The following EIF2B3 variants were observed in gnomAD, a reference collection of about 807,000 sequenced individuals.
EIF2B3 encodes the protein eukaryotic translation initiation factor 2B subunit gamma.
Under a neutral mutation model 54.1 loss-of-function variants are expected in EIF2B3, and 20 were observed. The ratio of observed to expected loss-of-function variants is 0.37; its 90% confidence interval spans 0.26 to 0.54. EIF2B3 has a LOEUF of 0.54. EIF2B3 is among the 20% of genes least tolerant of loss of function. The pLI, the probability that EIF2B3 is intolerant of heterozygous loss-of-function variation, is 0.86. For synonymous variants in EIF2B3, 153 were observed against 188.1 expected (o/e 0.81, Z 1.52); for missense variants, 448 against 547.8 (o/e 0.82, Z 1.82).
intron 3 of EIF2B3, among the ~76,000 whole-genome samples, chr1:44,946,444 CT>C (rs758880130): frequency 7.6e-4 from 106 of 140,080 alleles, no homozygotes; most frequent in South Asian, 2.9e-3. Context: ...TTCATAATAC[CT>C]TTTTTTTTTT....
chr1:44,892,717 G>A (rs1308261208), intron 6 of EIF2B3, among the ~76,000 whole-genome samples: 1 of 152,174 alleles, frequency 6.6e-6, no homozygotes, highest in Non-Finnish European at 1.5e-5. Flanking sequence ...GTTCAAAGGA[G>A]ACTACCTTGA....
In EIF2B3 at chr1:44,865,216, T is replaced by TAAAAAAAAA. The variant is rs57763807; in HGVS notation, c.1203-7418_1203-7410dup. 5.9e-3 allele frequency among the ~76,000 whole-genome samples: 827 copies of TAAAAAAAAA among 140,032 alleles called. 12 individuals are homozygous for TAAAAAAAAA. The highest frequency in any genetic ancestry group is 0.021 in the African/African-American group (779 of 37,918). The allele number at this position is 140,032 out of a possible 152,430, so 91.9% of individuals were successfully genotyped here. On this transcript the variant is annotated intron_variant, in intron 10 of 11. Coordinates refer to ENST00000360403, the MANE Select transcript of EIF2B3 (RefSeq NM_020365.5). ...TGGGCAACAGAGCGAGACTCCATCT[T>TAAAAAAAAA]AAAAAAAAAAAAAGAAATGTGTGAA... is the stretch of plus-strand genomic sequence containing the variant.
At position 44,917,755 on chromosome 1, in the gene EIF2B3, C is replaced by CTTTT. The variant is rs869139321; in HGVS notation, c.566+8869_566+8872dup. On this transcript the variant is annotated intron_variant, in intron 5 of 11. Transcript: ENST00000360403. ...TATTTATTTTGCCACCAATAACACT[C>CTTTT]TTTTTTTTTTTTTTTTTTTTTTTTT... 1.8e-4 allele frequency among the ~76,000 whole-genome samples: 8 copies of CTTTT among 44,240 alleles called. 1 individual carries two copies. The highest frequency in any genetic ancestry group is 9.6e-4 in the South Asian group (1 of 1,042). 29.0% of individuals were successfully genotyped at this position (44,240 alleles called of 152,430 possible).
intron 3 of EIF2B3, among the ~76,000 whole-genome samples, chr1:44,965,787 A>C (rs1462988848): frequency 1.3e-5 from 2 of 151,734 alleles, no homozygotes; most frequent in Non-Finnish European, 1.5e-5. Context: ...CTACAGGTGC[A>C]CACTACTATG....
At chr1:44,899,578 CAATATCACT>C (rs1656104259) in intron 5 of EIF2B3, among the ~76,000 whole-genome samples, 1 of 152,132 alleles carries the variant, frequency 6.6e-6, no homozygotes, top group Non-Finnish European at 1.5e-5. Flanking sequence ...AAGAAATGCT[CAATATCACT>C]AATCATCAGA....
intron 10 of EIF2B3, among the ~76,000 whole-genome samples, chr1:44,873,316 A>C (rs1288465366): frequency 6.6e-6 from 1 of 152,174 alleles, no homozygotes; most frequent in East Asian, 1.9e-4. Context: ...TCTGCTGAGT[A>C]ATTTGGTATT....
At chr1:44,885,443 C>T (rs1655543941) in intron 6 of EIF2B3, among the ~76,000 whole-genome samples, 1 of 152,176 alleles carries the variant, frequency 6.6e-6, no homozygotes, top group Non-Finnish European at 1.5e-5. Context: ...GTTACTGTCA[C>T]ATAATGGGAG....
intron 10 of EIF2B3, among the ~76,000 whole-genome samples, chr1:44,860,324 A>C (rs1182870791): frequency 6.6e-6 from 1 of 152,170 alleles, no homozygotes; most frequent in Non-Finnish European, 1.5e-5. Flanking sequence ...TAACAAATCT[A>C]GTAATTTCAT....
At chr1:44,969,720 G>A (rs1260995113) in intron 3 of EIF2B3, among the ~76,000 whole-genome samples, 5 of 152,140 alleles carry the variant, frequency 3.3e-5, no homozygotes, top group Non-Finnish European at 7.4e-5. Context: ...GGGCAATGTT[G>A]ATTACTTTTG....
At chr1:44,880,878 G>A (rs1028329502) in intron 7 of EIF2B3, among the ~76,000 whole-genome samples, 14 of 152,070 alleles carry the variant, frequency 9.2e-5, no homozygotes, top group East Asian at 1.9e-4. Flanking sequence ...GGAGAATGGC[G>A]TGAACCCGGG....
chr1:44,928,301 G>T (rs1472722177), intron 4 of EIF2B3, among the ~76,000 whole-genome samples: 2 of 151,816 alleles, frequency 1.3e-5, no homozygotes, highest in African/African-American at 4.8e-5. Flanking sequence ...AAAATCAGCT[G>T]CCGAGTGTGG....
Position 44,868,320 on chromosome 1 carries a change from C to A in EIF2B3, c.1202+6358G>T, listed in dbSNP as rs970497158. The stretch of plus-strand genomic sequence containing the variant: ...GGCTGAGGCAGGAGAATGGTGTGAA[C>A]CCGGGAGGCGGAGCTTGCAGTGAGC... On this transcript the variant is annotated intron_variant, in intron 10 of 11. Coordinates refer to ENST00000360403, the MANE Select transcript of EIF2B3 (RefSeq NM_020365.5). 6.1e-5 allele frequency among the ~76,000 whole-genome samples: 9 copies of A among 147,994 alleles called. 2 individuals are homozygous for A. In the South Asian group the frequency reaches 1.9e-3, roughly 31 times the overall value.
chr1:44,950,031 A>G (rs150835113), intron 3 of EIF2B3, among the ~76,000 whole-genome samples: 357 of 152,326 alleles, frequency 2.3e-3, no homozygotes, highest in African/African-American at 8.0e-3. Flanking sequence ...CTTGGAATAG[A>G]AAAAAACAAG....
chr1:44,984,817 T>TTTTTTTTTTTTA (rs1644554078), intron 1 of EIF2B3, among the ~76,000 whole-genome samples: 1 of 135,136 alleles, frequency 7.4e-6, no homozygotes, highest in Admixed American at 7.5e-5. Flanking sequence ...TTTTTTTTTT[T>TTTTTTTTTTTTA]GAGACGGAGT....
At chr1:44,863,373 A>G (rs547557375) in intron 10 of EIF2B3, among the ~76,000 whole-genome samples, 1 of 152,242 alleles carries the variant, frequency 6.6e-6, no homozygotes, top group Admixed American at 6.5e-5. Context: ...ATTTTTATTA[A>G]AAGTTATTTT....
rs137939410 is a variant in EIF2B3, at chr1:44,853,520, C to T, written c.1307-2517G>A. Reference sequence around the variant, plus strand: ...CTACTCAGGGGCCAGGGAGGGAGGTCGCTTGAGCCCGGGAGGTCAAGGCTA... The same window carrying T: ...CTACTCAGGGGCCAGGGAGGGAGGTTGCTTGAGCCCGGGAGGTCAAGGCTA... On this transcript the variant is annotated intron_variant, in intron 11 of 11. Coordinates refer to ENST00000360403, the MANE Select transcript of EIF2B3 (RefSeq NM_020365.5). Among the ~76,000 whole-genome samples the T allele has an allele frequency of 7.4e-4, 113 of 152,124 alleles. No homozygotes were observed. In the East Asian group the frequency reaches 0.016, roughly 22 times the overall value.
At chr1:44,952,516 T>C (rs1644176345) in intron 3 of EIF2B3, among the ~76,000 whole-genome samples, 2 of 151,986 alleles carry the variant, frequency 1.3e-5, no homozygotes, top group Admixed American at 6.6e-5. Context: ...TTACATATTA[T>C]ACATTCTGCC....
At chr1:44,870,574 G>C (rs1654934002) in intron 10 of EIF2B3, among the ~76,000 whole-genome samples, 1 of 151,426 alleles carries the variant, frequency 6.6e-6, no homozygotes, top group Non-Finnish European at 1.5e-5. Context: ...GTTTTGTTTG[G>C]TTTCTTTTCT....
chr1:44,918,540 C>T (rs1340614013), intron 5 of EIF2B3, among the ~76,000 whole-genome samples: 1 of 152,128 alleles, frequency 6.6e-6, no homozygotes, highest in Non-Finnish European at 1.5e-5. Context: ...CCAGTGCACA[C>T]CACCACACCC....
Sources: allele counts gnomAD v4.1 joint callset (sites outside exome capture counted in the v4.1 genomes callset), GRCh38; gene constraint gnomAD v4.1.1; transcripts MANE v1.5; gene names NCBI Gene and HGNC (gene_info 2026-07-23, HGNC 2026-07-21).